The following C12orf42 variants were observed in gnomAD, a reference collection of about 807,000 sequenced individuals.
C12orf42 encodes chromosome 12 open reading frame 42.
A neutral mutation model predicts 21.6 loss-of-function variants in C12orf42; 25 were observed. That is an observed-to-expected ratio of 1.16 (90% confidence interval 0.84 to 1.62). C12orf42 has a LOEUF of 1.62. Among genes scored for constraint, C12orf42 ranks in the 40% most tolerant of loss-of-function variants. The pLI is 0.00. For missense variants in C12orf42, 483 were observed against 459.3 expected, an observed-to-expected ratio of 1.05 and a Z score of -0.47; for synonymous variants, 174 against 175.0, an observed-to-expected ratio of 0.99 and a Z score of 0.05.
chr12:103,256,602 C>T (rs1320439352), intron 10 of C12orf42, among the ~76,000 whole-genome samples: 1 of 152,098 alleles, frequency 6.6e-6, no homozygotes, highest in Non-Finnish European at 1.5e-5. Context: ...AGATTTTTCT[C>T]TCCTAATACC....
At chr12:103,369,461 G>A (rs2137913005) in intron 3 of C12orf42, among the ~76,000 whole-genome samples, 1 of 152,018 alleles carries the variant, frequency 6.6e-6, no homozygotes, top group African/African-American at 2.4e-5. Flanking sequence ...TTCATACAGG[G>A]TGACATGAAA....
chr12:103,527,300 C>T, the C12orf42 span, among the ~76,000 whole-genome samples: 1 of 152,110 alleles, frequency 6.6e-6, no homozygotes, highest in South Asian at 2.1e-4. Context: ...GGGAAAAATG[C>T]TAAAGACTAC....
chr12:103,094,496 A>T, the C12orf42 span, among the ~76,000 whole-genome samples: 8 of 152,300 alleles, frequency 5.3e-5, no homozygotes, highest in African/African-American at 1.9e-4. Context: ...GGTTCATTTA[A>T]TTCATGAGTT....
chr12:103,318,810 TTGACCTTCAGGAA>T (rs1447652973), intron 4 of C12orf42, among the ~76,000 whole-genome samples: 3 of 150,684 alleles, frequency 2.0e-5, no homozygotes, highest in Non-Finnish European at 4.4e-5. Flanking sequence ...TAACCAGGAT[TTGACCTTCAGGAA>T]TTGTACTCAC....
intron 4 of C12orf42, among the ~76,000 whole-genome samples, chr12:103,363,043 T>C (rs1415331253): frequency 2.0e-5 from 3 of 152,054 alleles, no homozygotes; most frequent in African/African-American, 7.2e-5. Flanking sequence ...AGGCACATTG[T>C]CATTAGGTTA....
At chr12:103,398,899 A>G (rs1214942614) in intron 3 of C12orf42, among the ~76,000 whole-genome samples, 2 of 152,094 alleles carry the variant, frequency 1.3e-5, no homozygotes, top group Non-Finnish European at 2.9e-5. Context: ...ACAAGTTCCC[A>G]TATTTTGTTC....
At chr12:103,085,581 C>A in the C12orf42 span, among the ~76,000 whole-genome samples, 1 of 151,436 alleles carries the variant, frequency 6.6e-6, no homozygotes, top group Non-Finnish European at 1.5e-5. Flanking sequence ...TTAAGGTCGA[C>A]CTCCTCCGCT....
rs541341554 is a variant in C12orf42, at chr12:103,258,184, C to G, written c.*1366+5142G>C. On this transcript the variant is annotated intron_variant and NMD_transcript_variant, in intron 10 of 10. Transcript: ENST00000547347. ...CTACATGGAATATTATCCCAGTGAG[C>G]CCTTCCTGAGGACTTTACTAGGTAA... is the stretch of plus-strand genomic sequence containing the variant. Among the ~76,000 whole-genome samples, 60 of 152,158 alleles carry G rather than the reference C, an allele frequency of 3.9e-4. No homozygotes were observed. In the South Asian group the frequency reaches 0.012, roughly 31 times the overall value.
chr12:103,256,103 TATATATATACACACACACACAC>T (rs1235533748), intron 10 of C12orf42, among the ~76,000 whole-genome samples: 8 of 57,186 alleles, frequency 1.4e-4, no homozygotes, highest in East Asian at 7.4e-4. Flanking sequence ...TATATATATA[TATATATATACACACACACACAC>T]ACACACACAC....
At chr12:103,278,953 T>A (rs2035941361) in intron 4 of C12orf42, among the ~76,000 whole-genome samples, 1 of 152,216 alleles carries the variant, frequency 6.6e-6, no homozygotes, top group Non-Finnish European at 1.5e-5. Flanking sequence ...TTTAGATACC[T>A]TATGTAAGTG....
the C12orf42 span, among the ~76,000 whole-genome samples, chr12:103,161,883 T>C: frequency 5.3e-5 from 8 of 152,200 alleles, no homozygotes; most frequent in African/African-American, 1.9e-4. Context: ...TTGATTTTGA[T>C]TTTTCAGAAG....
intron 3 of C12orf42, among the ~76,000 whole-genome samples, chr12:103,379,322 G>A (rs1417102292): frequency 1.3e-5 from 2 of 152,098 alleles, no homozygotes; most frequent in African/African-American, 4.8e-5. Flanking sequence ...TCAGACACCA[G>A]CCCACACATT....
the C12orf42 span, among the ~76,000 whole-genome samples, chr12:103,133,778 A>C: frequency 6.6e-6 from 1 of 152,280 alleles, no homozygotes; most frequent in African/African-American, 2.4e-5. Context: ...TGTGGGAGGT[A>C]ATTGAATCAT....
At chr12:103,307,932 T>C (rs1192039680) in intron 4 of C12orf42, among the ~76,000 whole-genome samples, 1 of 152,196 alleles carries the variant, frequency 6.6e-6, no homozygotes, top group Non-Finnish European at 1.5e-5. Context: ...CTTGCTTCCA[T>C]ATAAATAAAA....
At chr12:103,099,734 A>G in the C12orf42 span, among the ~76,000 whole-genome samples, 1 of 152,222 alleles carries the variant, frequency 6.6e-6, no homozygotes, top group South Asian at 2.1e-4. Context: ...CTGTATTTCA[A>G]GCAAATAGGA....
downstream of C12orf42, among the ~76,000 whole-genome samples, chr12:103,235,856 T>C (rs922688741): frequency 6.6e-6 from 1 of 152,176 alleles, no homozygotes; most frequent in Non-Finnish European, 1.5e-5. Flanking sequence ...ACGAAGAAAT[T>C]TGAGCTTAAG....
intron 2 of C12orf42, among the ~76,000 whole-genome samples, chr12:103,462,105 T>TTTTTTTTTTTTTG (rs1952765358): frequency 1.2e-5 from 1 of 82,714 alleles, no homozygotes; most frequent in Admixed American, 1.4e-4. Flanking sequence ...GGTTTTTTTT[T>TTTTTTTTTTTTTG]TTTTTTTTTT....
intron 4 of C12orf42, among the ~76,000 whole-genome samples, chr12:103,292,219 C>A (rs184524079): frequency 6.6e-6 from 1 of 152,082 alleles, no homozygotes; most frequent in Non-Finnish European, 1.5e-5. Context: ...GAATAGTGGA[C>A]ATCTATAGAG....
At chr12:103,245,335 T>C (rs1027248524) in intron 10 of C12orf42, among the ~76,000 whole-genome samples, 5 of 152,118 alleles carry the variant, frequency 3.3e-5, no homozygotes, top group South Asian at 2.1e-4. Flanking sequence ...ATGGTAATCA[T>C]TCCTGAGGGA....
Sources: allele counts gnomAD v4.1 joint callset (sites outside exome capture counted in the v4.1 genomes callset), GRCh38; gene constraint gnomAD v4.1.1; transcripts MANE v1.5; gene names NCBI Gene and HGNC (gene_info 2026-07-23, HGNC 2026-07-21).